TLE5: variants seen among roughly 807,000 people sequenced by gnomAD.
The protein encoded by TLE5 is TLE family member 5, transcriptional modulator.
A neutral mutation model predicts 25.8 loss-of-function variants in TLE5; 7 were observed. That is an observed-to-expected ratio of 0.27 (90% CI 0.15 to 0.51). TLE5 has a LOEUF of 0.51. TLE5 is among the 20% of genes least tolerant of loss of function. TLE5 has a pLI of 0.97. For missense variants in TLE5, 149 were observed against 250.7 expected (o/e 0.59, Z 2.74); for synonymous variants, 132 against 110.5 (o/e 1.20, Z -1.22).
rs767981387 is a variant in TLE5 at position 3,055,747 on chromosome 19, C to G, written c.235-21G>C. ...TCAGCCTGGAACACACAGATGAAGCCGGCTTCAGTCCTGGGCGGGTGGCAG... is the reference window on the plus strand; with the variant it reads ...TCAGCCTGGAACACACAGATGAAGCGGGCTTCAGTCCTGGGCGGGTGGCAG... On this transcript the variant is annotated intron_variant, in intron 4 of 6. Transcript: ENST00000327141. 5.0e-6 allele frequency: 8 copies of G among 1,596,400 alleles called. No individual in the cohort carries two copies. The Admixed American group carries it at 1.4e-4, about 28-fold the overall frequency.
At position 3,053,920 on chromosome 19, in the gene TLE5, A is replaced by C; in HGVS notation, c.493T>G (p.Ser165Ala). 1 of 1,612,834 alleles carries C rather than the reference A, an allele frequency of 6.2e-7. No homozygotes were observed. The highest frequency in any genetic ancestry group is 1.1e-5 in the South Asian group (1 of 91,076). Residue 165 changes from serine to alanine, a missense_variant, in exon 7 of 7, where the codon TCG becomes GCG. By Grantham distance (99) the Ser-to-Ala change is moderately conservative (BLOSUM62 1). Coordinates refer to ENST00000327141, the MANE Select transcript of TLE5 (RefSeq NM_001130.6). Reference protein sequence around the residue: ...PAVSAGTGLLSLSALGSQAHL... With the variant: ...PAVSAGTGLLALSALGSQAHL... The stretch of plus-strand genomic sequence containing the variant: ...GCCTGGGAACCCAGCGCGGACAGCG[A>C]GAGGAGGCCGGTGCCTGCGCTGACC...
Position 3,053,985 on chromosome 19 carries a change from G to T in TLE5, c.428C>A (p.Thr143Asn). ...SQLQALALPL[T>N]PLPVGLQPPS... ...CGGCTGCAGCCCCACGGGTAGTGGG[G>T]TCAAGGGCAGGGCCAGGGCCTGCAG... is the stretch of plus-strand genomic sequence containing the variant. The change falls in exon 7 of 7, where the codon ACC (threonine) becomes AAC (asparagine). Residue 143 changes from threonine (T) to asparagine (N), a missense_variant. By Grantham distance (65) the Thr-to-Asn change is moderately conservative. Transcript: ENST00000327141. The T allele has an allele frequency of 1.9e-6, 3 of 1,609,264 alleles. No homozygotes were observed. Among genetic ancestry groups the T allele is most frequent in the Non-Finnish European group, 2.5e-6 (3 of 1,178,626 alleles).
At position 3,053,291 on chromosome 19, in the gene TLE5, G is replaced by A. The variant is rs1304338363; in HGVS notation, c.*528C>T. 1 of 155,692 alleles carries A rather than the reference G, an allele frequency of 6.4e-6. No homozygotes were observed. Among genetic ancestry groups the A allele is most frequent in the Non-Finnish European group, 1.4e-5 (1 of 70,274 alleles). The allele number at this position is 155,692 out of a possible 1,614,324, so 9.6% of individuals were successfully genotyped here. A position where few individuals can be genotyped will look rare whatever the true frequency, so the allele number is the denominator to read the frequency against. ...TGTGGGCGATGGGAGAGGACCAGGT[G>A]GGCGTGGAGGTGTCTGGAACTAGCA... On this transcript the variant is annotated 3_prime_UTR_variant, in exon 7 of 7. Coordinates refer to ENST00000327141, the MANE Select transcript of TLE5 (RefSeq NM_001130.6).
chr19:3,055,944 A>AGGG, intron 4 of TLE5: 1 of 539,290 alleles, frequency 1.9e-6, no homozygotes, highest in Admixed American at 3.3e-5. Context: ...CCTGCAGCTT[A>AGGG]GAGTGAGGTA....
chr19:3,057,874 G>A (rs1568264899), intron 2 of TLE5, 132 bp from the exon 3 acceptor site: 1 of 783,106 alleles, frequency 1.3e-6, no homozygotes, highest in Non-Finnish European at 2.1e-6. Flanking sequence ...TTCTCAGAGG[G>A]TCAAGCAATA....
chr19:3,053,805 G>A lies in TLE5; in HGVS notation c.*14C>T, dbSNP rs199967633. ...CTCTGTCCCCCCTCCCAACCTCCCT[G>A]TCCCGGCCCCCTGCTAATCCGACTT... On this transcript the variant is annotated 3_prime_UTR_variant, in exon 7 of 7. Transcript: ENST00000327141. The A allele has an allele frequency of 1.8e-4, 266 of 1,510,674 alleles. No individual in the cohort carries two copies. The African/African-American group carries it at 2.8e-3, about 16-fold the overall frequency. The allele number at this position is 1,510,674 out of a possible 1,614,324, so 93.6% of individuals were successfully genotyped here. A position where few individuals can be genotyped will look rare whatever the true frequency, so the allele number is the denominator to read the frequency against.
In TLE5 at chr19:3,062,204, A is replaced by C; in HGVS notation, c.-4T>G. 1 of 1,139,922 alleles carries C rather than the reference A, an allele frequency of 8.8e-7. No individual in the cohort carries two copies. The allele number at this position is 1,139,922 out of a possible 1,614,324, so 70.6% of individuals were successfully genotyped here. ...GCCTGCTTTGTGGAAACATCATGTC[A>C]ATCGCGGCGGGGGGCGCGGGCTGCG... On this transcript the variant is annotated 5_prime_UTR_variant, in exon 1 of 7. The change creates a new upstream start codon in the 5' untranslated region. Coordinates refer to ENST00000327141, the MANE Select transcript of TLE5 (RefSeq NM_001130.6).
intron 4 of TLE5, chr19:3,056,056 T>C (rs1360285441): frequency 1.9e-5 from 10 of 523,566 alleles, no homozygotes; most frequent in Middle Eastern, 4.9e-4. Flanking sequence ...CTGGGGGCCG[T>C]AGGCTGTGGG....
Position 3,053,505 on chromosome 19 carries a change from C to T in TLE5, c.*314G>A, listed in dbSNP as rs1241744563. Reference sequence around the variant, plus strand: ...AACGGGGGAAGGGCCGGGGCTGCTGCGCTTCGCGAGGTCTTGCTCCCTTGG... The same window carrying T: ...AACGGGGGAAGGGCCGGGGCTGCTGTGCTTCGCGAGGTCTTGCTCCCTTGG... On this transcript the variant is annotated 3_prime_UTR_variant, in exon 7 of 7. Transcript: ENST00000327141. 16 of 443,210 alleles carry T rather than the reference C, an allele frequency of 3.6e-5. No homozygotes were observed. The highest frequency in any genetic ancestry group is 1.2e-4 in the South Asian group (4 of 32,216). 27.5% of individuals were successfully genotyped at this position (443,210 alleles called of 1,614,324 possible).
chr19:3,058,513 A>T (rs1416965891), intron 2 of TLE5, among the ~76,000 whole-genome samples: 1 of 152,190 alleles, frequency 6.6e-6, no homozygotes, highest in Non-Finnish European at 1.5e-5. Context: ...CCCTAGCTTC[A>T]TGGGGGGCCT....
Position 3,056,328 on chromosome 19 carries a change from A to C in TLE5, c.218T>G (p.Ile73Ser), listed in dbSNP as rs1057088959. 1 of 1,381,990 alleles carries C rather than the reference A, an allele frequency of 7.2e-7. No individual in the cohort carries two copies. Among genetic ancestry groups the C allele is most frequent in the Admixed American group, 2.3e-5 (1 of 43,470 alleles). 85.6% of individuals were successfully genotyped at this position (1,381,990 alleles called of 1,614,324 possible). A position where few individuals can be genotyped will look rare whatever the true frequency, so the allele number is the denominator to read the frequency against. Residue 73 changes from isoleucine (I) to serine (S), a missense_variant, in exon 4 of 7, where the codon ATC (isoleucine) becomes AGC (serine). Ile to Ser is a moderately radical substitution (Grantham distance 142). Transcript: ENST00000327141. Reference sequence around the variant, plus strand: ...TGGGCGTACCTGTTTGTGCATCTCGATGTTCAAGCCGTAGGACATCTCGTA... The same window carrying C: ...TGGGCGTACCTGTTTGTGCATCTCGCTGTTCAAGCCGTAGGACATCTCGTA... ...MYYEMSYGLNIEMHKQAEIVK... is the reference protein window; with the variant it reads ...MYYEMSYGLNSEMHKQAEIVK...
rs912993530 is a variant in TLE5, at chr19:3,056,617, A to G, written c.190-261T>C. On this transcript the variant is annotated intron_variant, in intron 3 of 6. Coordinates refer to ENST00000327141, the MANE Select transcript of TLE5 (RefSeq NM_001130.6). ...GAGACTGGGGGCACTTTAGGTCCCT[A>G]GCCCTGGCCTGGCTCCTCCCCCACT... 15 of 656,942 alleles carry G rather than the reference A, an allele frequency of 2.3e-5. No individual in the cohort carries two copies. The African/African-American group carries it at 2.5e-4, about 11-fold the overall frequency. The allele number at this position is 656,942 out of a possible 1,614,324, so 40.7% of individuals were successfully genotyped here.
intron 2 of TLE5, among the ~76,000 whole-genome samples, chr19:3,059,360 G>A (rs916833330): frequency 2.6e-5 from 4 of 151,888 alleles, no homozygotes; most frequent in South Asian, 2.1e-4. Context: ...CGTCTCTACC[G>A]AAAATACAAA....
intron 5 of TLE5, 189 bp from the exon 6 acceptor site, chr19:3,054,383 TCTCTTC>T (rs1410889198): frequency 3.3e-5 from 20 of 607,474 alleles, no homozygotes; most frequent in Non-Finnish European, 1.2e-5. Context: ...ACCAAGCTCG[TCTCTTC>T]GTCTGGCCAA....
In TLE5 at chr19:3,057,971, C is replaced by T. The variant is rs559952215; in HGVS notation, c.126-229G>A. Among the ~76,000 whole-genome samples the T allele has an allele frequency of 3.3e-5, 5 of 152,216 alleles. No individual in the cohort carries two copies. In the South Asian group the frequency reaches 1.0e-3, roughly 32 times the overall value. ...CTGGGCTCAAGCAATCCTCCTTCCT[C>T]GGCCTCCCAAAGTGCTTGGGGTTAC... On this transcript the variant is annotated intron_variant, in intron 2 of 6. Transcript: ENST00000327141.
Position 3,054,214 on chromosome 19 carries a change from G to A in TLE5, c.298-20C>T, listed in dbSNP as rs762898970. 1.9e-6 allele frequency: 3 copies of A among 1,605,286 alleles called. No individual in the cohort carries two copies. The highest frequency in any genetic ancestry group is 2.5e-6 in the Non-Finnish European group (3 of 1,177,872). Reference sequence around the variant, plus strand: ...CTGGTGCTGGAAGGGGGTCGGGGGAGAGGAGAGGCAGTGATTCCTCCTGAT... The same window carrying A: ...CTGGTGCTGGAAGGGGGTCGGGGGAAAGGAGAGGCAGTGATTCCTCCTGAT... On this transcript the variant is annotated intron_variant, in intron 5 of 6. Coordinates refer to ENST00000327141, the MANE Select transcript of TLE5 (RefSeq NM_001130.6).
chr19:3,060,648 T>C (rs2090258520), intron 2 of TLE5, among the ~76,000 whole-genome samples: 1 of 152,164 alleles, frequency 6.6e-6, no homozygotes, highest in Non-Finnish European at 1.5e-5. Context: ...TAAGTTTCTT[T>C]AAGTGTAAGA....
intron 4 of TLE5, 108 bp downstream of exon 4, chr19:3,056,202 CCA>C: frequency 1.4e-6 from 1 of 724,020 alleles, no homozygotes; most frequent in Non-Finnish European, 2.2e-6. Context: ...GGCTTGGTGC[CCA>C]GCCGAGGGCC....
At chr19:3,062,742 A>G, upstream of TLE5, 1 of 1,543,750 alleles carries the variant, frequency 6.5e-7, no homozygotes, top group South Asian at 1.2e-5. Context: ...TGTCAAAGAA[A>G]AGGGACCCGG....
Sources: allele counts gnomAD v4.1 joint callset (sites outside exome capture counted in the v4.1 genomes callset), GRCh38; gene constraint gnomAD v4.1.1; transcripts MANE v1.5; gene names NCBI Gene and HGNC (gene_info 2026-07-23, HGNC 2026-07-21).